The following TMCO1 variants were observed in gnomAD, a reference collection of about 807,000 sequenced individuals.
TMCO1 encodes transmembrane and coiled-coil domains 1.
A neutral mutation model predicts 29.3 loss-of-function variants in TMCO1; 29 were observed. That is an observed-to-expected ratio of 0.99 (90% confidence interval 0.74 to 1.35). The LOEUF is 1.35. Among genes scored for constraint, TMCO1 ranks in the 40% most tolerant of loss-of-function variants. TMCO1 has a pLI of 0.00. For synonymous variants in TMCO1, 80 were observed against 77.1 expected, an observed-to-expected ratio of 1.04 and a Z score of -0.20; for missense variants, 173 against 225.5, an observed-to-expected ratio of 0.77 and a Z score of 1.49.
At chr1:165,743,438 G>A (rs1571218241) in intron 5 of TMCO1, 127 bp from the exon 6 acceptor site, 3 of 952,054 alleles carry the variant, frequency 3.2e-6, no homozygotes, top group East Asian at 5.2e-5. Flanking sequence ...AAGAGAGGGT[G>A]ACATGCTAAA....
chr1:165,744,737 C>G (rs1245872570), intron 5 of TMCO1, among the ~76,000 whole-genome samples: 1 of 147,332 alleles, frequency 6.8e-6, no homozygotes, highest in Non-Finnish European at 1.5e-5. Context: ...TTGTGGTGAG[C>G]CGAGATCATG....
intron 6 of TMCO1, among the ~76,000 whole-genome samples, chr1:165,736,338 A>G (rs1246627656): frequency 6.6e-6 from 1 of 152,276 alleles, no homozygotes; most frequent in Admixed American, 6.5e-5. Flanking sequence ...AAAAGAATCC[A>G]GAATATCTTC....
rs192776350 is a variant in TMCO1 at position 165,759,339 on chromosome 1, T to C, written c.208+186A>G. 6.0e-4 allele frequency among the ~76,000 whole-genome samples: 92 copies of C among 152,302 alleles called. No homozygotes were observed. The Middle Eastern group carries it at 0.014, about 23-fold the overall frequency. ...TAAGAGCAAAAATAGAGGAACTGCT[T>C]AAATTTGTCCTGTACACCTCACAAA... On this transcript the variant is annotated intron_variant, in intron 3 of 6. Coordinates refer to ENST00000367881, the MANE Select transcript of TMCO1 (RefSeq NM_019026.6).
downstream of TMCO1, chr1:165,725,121 ATAAAT>A (rs1650819598): frequency 7.3e-6 from 3 of 412,330 alleles, no homozygotes; most frequent in South Asian, 5.5e-5. Context: ...TCAAACTAGA[ATAAAT>A]TAAAAGACTG....
chr1:165,757,540 A>G (rs137993869), intron 3 of TMCO1, among the ~76,000 whole-genome samples: 1 of 152,356 alleles, frequency 6.6e-6, no homozygotes, highest in East Asian at 1.9e-4. Flanking sequence ...CTTGTTGCCC[A>G]GTCTGGAGTA....
intron 6 of TMCO1, among the ~76,000 whole-genome samples, chr1:165,734,549 G>C (rs749067507): frequency 6.6e-6 from 1 of 151,778 alleles, no homozygotes; most frequent in East Asian, 1.9e-4. Flanking sequence ...TGTCGTCCAG[G>C]CTGGAGTGCA....
At chr1:165,765,508 G>T (rs1394686557) in intron 2 of TMCO1, among the ~76,000 whole-genome samples, 5 of 152,122 alleles carry the variant, frequency 3.3e-5, no homozygotes, top group Admixed American at 1.3e-4. Context: ...GGTCTCGAAG[G>T]CCTGACCTCG....
chr1:165,748,926 A>T (rs1053630315), intron 5 of TMCO1, among the ~76,000 whole-genome samples: 4 of 152,210 alleles, frequency 2.6e-5, no homozygotes, highest in African/African-American at 9.7e-5. Context: ...ATACAGCAGG[A>T]ATCGTACAGT....
intron 5 of TMCO1, among the ~76,000 whole-genome samples, chr1:165,749,918 G>T (rs1197206581): frequency 1.3e-5 from 2 of 151,954 alleles, no homozygotes; most frequent in African/African-American, 2.4e-5. Context: ...GAAAAACATA[G>T]TAAGTATATG....
chr1:165,729,946 T>C (rs12059327), intron 6 of TMCO1, among the ~76,000 whole-genome samples: 5,596 of 152,054 alleles, frequency 0.037, 326 homozygotes, highest in African/African-American at 0.13. Flanking sequence ...ACTGTGAGAA[T>C]ATCCATAACC....
At chr1:165,741,455 G>A (rs1251720568) in intron 6 of TMCO1, among the ~76,000 whole-genome samples, 1 of 152,200 alleles carries the variant, frequency 6.6e-6, no homozygotes, top group Non-Finnish European at 1.5e-5. Context: ...ACTTGATTGT[G>A]TTTAAAAGGA....
chr1:165,727,962 A>G lies in TMCO1; in HGVS notation c.*61T>C. 1 of 1,321,528 alleles carries G rather than the reference A, an allele frequency of 7.6e-7. No homozygotes were observed. The highest frequency in any genetic ancestry group is 1.1e-6 in the Non-Finnish European group (1 of 929,772). 81.9% of individuals were successfully genotyped at this position (1,321,528 alleles called of 1,614,324 possible). A position where few individuals can be genotyped will look rare whatever the true frequency, so the allele number is the denominator to read the frequency against. On this transcript the variant is annotated 3_prime_UTR_variant, in exon 7 of 7. Transcript: ENST00000367881. ...CTACCTATGGCTCTTGCTACAAAAC[A>G]GTTGCCAGTCTGATGTGTGTGTGTC...
At chr1:165,732,847 T>C (rs1047340152) in intron 6 of TMCO1, among the ~76,000 whole-genome samples, 1 of 152,234 alleles carries the variant, frequency 6.6e-6, no homozygotes, top group South Asian at 2.1e-4. Context: ...GTATTAATAA[T>C]AGTTGTATAC....
At chr1:165,737,498 T>C (rs181112727) in intron 6 of TMCO1, among the ~76,000 whole-genome samples, 9 of 152,264 alleles carry the variant, frequency 5.9e-5, no homozygotes, top group Admixed American at 5.2e-4. Context: ...CTACATTTAA[T>C]GAAAACCATA....
chr1:165,744,145 A>G (rs2101799500), intron 5 of TMCO1, among the ~76,000 whole-genome samples: 1 of 152,282 alleles, frequency 6.6e-6, no homozygotes, highest in African/African-American at 2.4e-5. Flanking sequence ...GAAGCTTGTT[A>G]TAAGGAACAG....
chr1:165,728,154 A>G (rs1042955590), intron 6 of TMCO1, 33 bp from the exon 7 acceptor site: 11 of 1,530,504 alleles, frequency 7.2e-6, no homozygotes, highest in Non-Finnish European at 8.1e-6. Context: ...ATTGGGTTTT[A>G]ATATCAAATA....
At chr1:165,735,468 C>T (rs2101791274) in intron 6 of TMCO1, among the ~76,000 whole-genome samples, 1 of 151,302 alleles carries the variant, frequency 6.6e-6, no homozygotes, top group East Asian at 1.9e-4. Context: ...AAAAAAGGAG[C>T]CTCAAATTTT....
intron 4 of TMCO1, 48 bp from the exon 5 acceptor site, chr1:165,752,217 T>A: frequency 2.3e-5 from 29 of 1,236,542 alleles, no homozygotes; most frequent in Non-Finnish European, 3.2e-5. Context: ...AAAAAACACA[T>A]CTAAAGCATA....
rs1435743269 is a variant in TMCO1 at position 165,727,983 on chromosome 1, G to A, written c.*40C>T. 6 of 1,468,606 alleles carry A rather than the reference G, an allele frequency of 4.1e-6. No homozygotes were observed. In the African/African-American group the frequency reaches 4.2e-5, roughly 10 times the overall value. The allele number at this position is 1,468,606 out of a possible 1,614,324, so 91.0% of individuals were successfully genotyped here. A position where few individuals can be genotyped will look rare whatever the true frequency, so the allele number is the denominator to read the frequency against. Reference sequence around the variant, plus strand: ...AAACAGTTGCCAGTCTGATGTGTGTGTGTCTAGAAAGAATGATAGAAAATA... The same window carrying A: ...AAACAGTTGCCAGTCTGATGTGTGTATGTCTAGAAAGAATGATAGAAAATA... On this transcript the variant is annotated 3_prime_UTR_variant, in exon 7 of 7. Transcript: ENST00000367881.
Sources: gnomAD v4.1 joint callset for allele counts (sites outside exome capture counted in the v4.1 genomes callset) on GRCh38, gnomAD v4.1.1 for gene constraint, MANE v1.5 for transcripts, NCBI Gene and HGNC (gene_info 2026-07-23, HGNC 2026-07-21) for gene names.